MYH11: variants seen among roughly 807,000 people sequenced by gnomAD.
The protein encoded by MYH11 is myosin-11.
Under a neutral mutation model 246.6 loss-of-function variants are expected in MYH11, and 80 were observed. That is an observed-to-expected ratio of 0.32 (90% CI 0.27 to 0.39). MYH11 has a LOEUF of 0.39. Among genes scored for constraint, MYH11 ranks in the 10% least tolerant of loss-of-function variants. MYH11 has a pLI of 1.00. For missense variants in MYH11, 2,158 were observed against 2,546.8 expected (o/e 0.85, Z 3.29); for synonymous variants, 1,071 against 1,015.5 (o/e 1.05, Z -1.04).
At chr16:15,710,566 A>G (rs2039723998) in intron 40 of MYH11, among the ~76,000 whole-genome samples, 1 of 152,260 alleles carries the variant, frequency 6.6e-6, no homozygotes, top group East Asian at 1.9e-4. Context: ...TGAGAAAGGG[A>G]AGCAGAGACA....
At chr16:15,846,227 C>A (rs961501268) in intron 1 of MYH11, among the ~76,000 whole-genome samples, 1 of 152,082 alleles carries the variant, frequency 6.6e-6, no homozygotes, top group Non-Finnish European at 1.5e-5. Context: ...TGTAAGGCAC[C>A]TGGCACAGTA....
intron 5 of MYH11, chr16:15,785,856 T>G (rs1222904347): frequency 6.4e-6 from 1 of 156,894 alleles, no homozygotes; most frequent in African/African-American, 2.4e-5. Flanking sequence ...TGTCATCATC[T>G]GTTTATTTGA....
chr16:15,845,735 A>T (rs2044173842), intron 1 of MYH11, among the ~76,000 whole-genome samples: 1 of 151,946 alleles, frequency 6.6e-6, no homozygotes, highest in Non-Finnish European at 1.5e-5. Context: ...AAAGAAGGAG[A>T]GAGAGAGAGA....
chr16:15,801,135 G>T (rs536406965), intron 3 of MYH11, among the ~76,000 whole-genome samples: 2 of 152,080 alleles, frequency 1.3e-5, no homozygotes, highest in Non-Finnish European at 2.9e-5. Flanking sequence ...GAACTCAGGA[G>T]GCGGACGTTG....
At chr16:15,835,356 C>T (rs772687711) in intron 2 of MYH11, among the ~76,000 whole-genome samples, 50 of 152,168 alleles carry the variant, frequency 3.3e-4, no homozygotes, top group Admixed American at 9.2e-4. Flanking sequence ...AGATACCATG[C>T]TCACAAAGAG....
At chr16:15,823,163 T>G in intron 3 of MYH11, 92 bp downstream of exon 3, 1 of 1,573,108 alleles carries the variant, frequency 6.4e-7, no homozygotes, top group African/African-American at 1.3e-5. Context: ...TCGCAGTGCC[T>G]GCCAAACTCC....
intron 13 of MYH11, among the ~76,000 whole-genome samples, chr16:15,756,838 C>G (rs928779227): frequency 1.4e-5 from 2 of 147,370 alleles, no homozygotes; most frequent in African/African-American, 5.2e-5. Context: ...TGCCTTGTCG[C>G]CCAGGCAGAC....
At position 15,717,285 on chromosome 16, in the gene MYH11, G is replaced by A. The variant is rs142198104; in HGVS notation, c.5359C>T (p.Arg1787Trp). 1.5e-5 allele frequency: 24 copies of A among 1,613,484 alleles called. No individual in the cohort carries two copies. Among genetic ancestry groups the A allele is most frequent in the African/African-American group, 2.7e-5 (2 of 75,050 alleles). ...TTGTTCTGCCGCTCGAGCTGCTGCC[G>A]GGCACTCTCATTCTTCTGGGCCGTG... Reference protein sequence around the residue: ...RSTAQKNESARQQLERQNKEL... With the variant: ...RSTAQKNESAWQQLERQNKEL... The change falls in exon 38 of 41, where the codon CGG becomes TGG. Residue 1787 changes from arginine (R) to tryptophan (W), a missense_variant. By Grantham distance (101) the Arg-to-Trp change is moderately radical. This residue lies in a region of MYH11 where 1,013 missense variants were observed against 993.5 expected (regional missense o/e 1.02). Coordinates refer to ENST00000300036, the MANE Select transcript of MYH11 (RefSeq NM_002474.3).
chr16:15,734,792 T>A (rs998739743), intron 26 of MYH11, among the ~76,000 whole-genome samples: 1 of 152,228 alleles, frequency 6.6e-6, no homozygotes, highest in South Asian at 2.1e-4. Flanking sequence ...GTGTATCTTA[T>A]GTGTGGCCCA....
intron 9 of MYH11, among the ~76,000 whole-genome samples, chr16:15,767,719 C>T (rs1161438273): frequency 2.0e-5 from 3 of 151,960 alleles, no homozygotes; most frequent in African/African-American, 7.3e-5. Context: ...GTGGGCCCTA[C>T]ATTTAATGTC....
Position 15,721,042 on chromosome 16 carries a change from G to T in MYH11, c.4588C>A (p.Leu1530Met). The change falls in exon 33 of 41, where the codon CTG becomes ATG. Residue 1530 changes from leucine to methionine, a missense_variant. This residue lies in a region of MYH11 where 1,013 missense variants were observed against 993.5 expected (regional missense o/e 1.02). Coordinates refer to ENST00000300036, the MANE Select transcript of MYH11 (RefSeq NM_002474.3). ...TCCAGGGCCCGCTTGGACTTCTCCA[G>T]CTCATGGACCTGCCGGCAGAGCGGG... ...KDDVGKNVHELEKSKRALETQ... is the reference protein window; with the variant it reads ...KDDVGKNVHEMEKSKRALETQ... 6.2e-7 allele frequency: 1 copy of T among 1,613,890 alleles called. No homozygotes were observed. The highest frequency in any genetic ancestry group is 8.5e-7 in the Non-Finnish European group (1 of 1,180,008).
At chr16:15,839,234 A>G (rs987985739) in intron 1 of MYH11, among the ~76,000 whole-genome samples, 1 of 152,064 alleles carries the variant, frequency 6.6e-6, no homozygotes, top group Non-Finnish European at 1.5e-5. Context: ...AACCCAAGGT[A>G]TATAACTGGA....
chr16:15,717,992 T>G, intron 37 of MYH11: 1 of 432,942 alleles, frequency 2.3e-6, no homozygotes, highest in Non-Finnish European at 4.3e-6. Context: ...GCTCACTGGA[T>G]AAGGTCAGAG....
chr16:15,853,697 G>A (rs1423225674), intron 1 of MYH11, among the ~76,000 whole-genome samples: 2 of 152,134 alleles, frequency 1.3e-5, no homozygotes, highest in Non-Finnish European at 2.9e-5. Context: ...GACCTAGAGA[G>A]CAAAAAGGCC....
At chr16:15,722,313 G>T (rs1305063773) in intron 31 of MYH11, among the ~76,000 whole-genome samples, 2 of 152,244 alleles carry the variant, frequency 1.3e-5, no homozygotes, top group Non-Finnish European at 2.9e-5. Flanking sequence ...AAGAGCCTCA[G>T]TAGGGAAATG....
At chr16:15,804,994 C>A (rs533843985) in intron 3 of MYH11, among the ~76,000 whole-genome samples, 3 of 152,272 alleles carry the variant, frequency 2.0e-5, no homozygotes, top group South Asian at 2.1e-4. Context: ...AGTTTGAGTA[C>A]CTTTTCAATT....
chr16:15,735,480 C>A lies in MYH11; in HGVS notation c.3392G>T (p.Arg1131Leu), dbSNP rs187593975. ...SDLQEDLDSE[R>L]AARNKAEKQK... ...CTTTTCAGCCTTGTTCCTGGCGGCC[C>A]GCTCTGAGTCCAGGTCCTCCTGGAG... is the stretch of plus-strand genomic sequence containing the variant. The change falls in exon 26 of 41, where the codon CGG becomes CTG. Residue 1131 changes from arginine (R) to leucine (L), a missense_variant. Physicochemically the swap from Arg to Leu is moderately radical, Grantham distance 102. Around this residue, in one of 11 missense-constraint regions of MYH11, gnomAD observed 284 missense variants for 315.4 expected, o/e 0.90. Coordinates refer to ENST00000300036, the MANE Select transcript of MYH11 (RefSeq NM_002474.3). The A allele has an allele frequency of 6.2e-7, 1 of 1,614,104 alleles. No homozygotes were observed. Among genetic ancestry groups the A allele is most frequent in the Non-Finnish European group, 8.5e-7 (1 of 1,180,028 alleles).
intron 9 of MYH11, 56 bp from the exon 10 acceptor site, chr16:15,763,947 G>T (rs1217272194): frequency 6.3e-6 from 9 of 1,432,116 alleles, no homozygotes; most frequent in Non-Finnish European, 8.9e-6. Context: ...AAGGTACCCT[G>T]GAGTTTTGGA....
At chr16:15,852,424 T>C (rs1440908307) in intron 1 of MYH11, among the ~76,000 whole-genome samples, 1 of 148,106 alleles carries the variant, frequency 6.8e-6, no homozygotes, top group Non-Finnish European at 1.5e-5. Context: ...CCTCTGCCTC[T>C]GAGGCTCAAG....
Sources: allele counts gnomAD v4.1 joint callset (sites outside exome capture counted in the v4.1 genomes callset), GRCh38; gene constraint gnomAD v4.1.1; regional missense constraint gnomAD v4.1.1; transcripts MANE v1.5; gene names NCBI Gene and HGNC (gene_info 2026-07-23, HGNC 2026-07-21).